GPR179: variants seen among roughly 807,000 people sequenced by gnomAD.
GPR179 encodes the protein G protein-coupled receptor 179, also known as probable G protein-coupled receptor 179.
In GPR179, 52 loss-of-function variants were observed where a neutral mutation model predicts 70.8. The ratio of observed to expected loss-of-function variants is 0.73; its 90% confidence interval spans 0.59 to 0.93. The LOEUF is 0.93. GPR179 is among the 40% of genes least tolerant of loss of function. The pLI is 0.00. For synonymous variants in GPR179, 1,123 were observed against 1,169.0 expected (o/e 0.96, Z 0.80); for missense variants, 2,734 against 2,966.8 (o/e 0.92, Z 1.82).
chr17:38,335,080 T>C lies in GPR179; in HGVS notation c.1598A>G (p.His533Arg), dbSNP rs1254737991. Residue 533 changes from histidine to arginine, a missense_variant, in exon 7 of 11, where the codon CAT (histidine) becomes CGT (arginine). By Grantham distance (29) the His-to-Arg change is conservative. Transcript: ENST00000616987. ...GCGGTCGTGGTGACAGAGGTAGAAA[T>C]GGCGGCCACTGGGAGTGTGGCCTCG... is the stretch of plus-strand genomic sequence containing the variant. ...VIRGHTPSGRHFYLCHHDRWD... is the reference protein window; with the variant it reads ...VIRGHTPSGRRFYLCHHDRWD... The C allele has an allele frequency of 6.2e-7, 1 of 1,613,460 alleles. No homozygotes were observed. Among genetic ancestry groups the C allele is most frequent in the African/African-American group, 1.3e-5 (1 of 74,920 alleles).
At position 38,334,085 on chromosome 17, in the gene GPR179, C is replaced by T; in HGVS notation, c.1785-47G>A. On this transcript the variant is annotated intron_variant, in intron 8 of 10. Transcript: ENST00000616987. The surrounding 1 kb of genome is among the most constrained non-coding windows in gnomAD (Gnocchi z 4.7). Reference sequence around the variant, plus strand: ...GGTCATTACTGCAGGCAGGAGTTGCCTCTTCTGCTTTGCCTTCTCACTGGC... The same window carrying T: ...GGTCATTACTGCAGGCAGGAGTTGCTTCTTCTGCTTTGCCTTCTCACTGGC... 1 of 1,344,070 alleles carries T rather than the reference C, an allele frequency of 7.4e-7. No individual in the cohort carries two copies. Among genetic ancestry groups the T allele is most frequent in the Non-Finnish European group, 1.1e-6 (1 of 934,886 alleles). 83.3% of individuals were successfully genotyped at this position (1,344,070 alleles called of 1,614,324 possible). A position where few individuals can be genotyped will look rare whatever the true frequency, so the allele number is the denominator to read the frequency against.
chr17:38,338,260 G>A (rs2037422910), intron 2 of GPR179, among the ~76,000 whole-genome samples: 1 of 152,234 alleles, frequency 6.6e-6, no homozygotes, highest in Non-Finnish European at 1.5e-5. Flanking sequence ...CTGGTGGGAT[G>A]CCAAGGCCAG....
chr17:38,330,592 A>G lies in GPR179; in HGVS notation c.2977T>C (p.Cys993Arg). 6.3e-7 allele frequency: 1 copy of G among 1,578,858 alleles called. No homozygotes were observed. ...PQSPNLLTYI[C>R]PWENAELPAK... ...GGCAGTTCTGCGTTCTCCCAGGGGC[A>G]GATGTAGGTGAGTAAGTTGGGGCTT... Residue 993 changes from cysteine (C) to arginine (R), a missense_variant, in exon 11 of 11, where the codon TGC becomes CGC. Coordinates refer to ENST00000616987, the MANE Select transcript of GPR179 (RefSeq NM_001004334.4).
Position 38,326,086 on chromosome 17 carries a change from CT to C in GPR179, c.*378del, listed in dbSNP as rs1407567845. 2 of 210,878 alleles carry C rather than the reference CT, an allele frequency of 9.5e-6. No homozygotes were observed. The highest frequency in any genetic ancestry group is 4.6e-5 in the African/African-American group (2 of 43,478). 13.1% of individuals were successfully genotyped at this position (210,878 alleles called of 1,614,324 possible). Reference sequence around the variant, plus strand: ...GTAGACTTCAGAGAATTGGGTCCCCCTGTGAGAGAAGGTAGGCTGGGCACAA... The same window carrying C: ...GTAGACTTCAGAGAATTGGGTCCCCCGTGAGAGAAGGTAGGCTGGGCACAA... On this transcript the variant is annotated 3_prime_UTR_variant, in exon 11 of 11. Transcript: ENST00000616987.
At chr17:38,331,627 A>G in intron 10 of GPR179, 96 bp from the exon 11 acceptor site, 3 of 1,501,986 alleles carry the variant, frequency 2.0e-6, no homozygotes, top group Non-Finnish European at 2.7e-6. Flanking sequence ...TTTTTCCCTT[A>G]GGGATCTCTT....
In GPR179 at chr17:38,328,887, A is replaced by G; in HGVS notation, c.4682T>C (p.Phe1561Ser). Residue 1561 changes from phenylalanine to serine, a missense_variant, in exon 11 of 11, where the codon TTC becomes TCC. Phe to Ser is a radical substitution (Grantham distance 155, BLOSUM62 -2). Coordinates refer to ENST00000616987, the MANE Select transcript of GPR179 (RefSeq NM_001004334.4). ...TGCTCTGCTTCCTCCATTGCATAGG[A>G]ATTGGCTACCAGCTTTGGATGAGGA... ...DNSSSKAGSQ[F>S]LCNGGSRATQ... 6.2e-7 allele frequency: 1 copy of G among 1,613,634 alleles called. No homozygotes were observed. The highest frequency in any genetic ancestry group is 8.5e-7 in the Non-Finnish European group (1 of 1,179,952).
In GPR179 at chr17:38,329,906, C is replaced by T; in HGVS notation, c.3663G>A (p.Gly1221=). 1.9e-6 allele frequency: 3 copies of T among 1,614,226 alleles called. No homozygotes were observed. The highest frequency in any genetic ancestry group is 1.7e-6 in the Non-Finnish European group (2 of 1,180,044). Residue 1221 remains glycine, a synonymous_variant, in exon 11 of 11, where the codon GGG becomes GGA. Transcript: ENST00000616987. ...NIKQSKETPV[G]WQELPKAGLQ... Reference sequence around the variant, plus strand: ...GGCCAGCTTTGGGCAGTTCCTGCCACCCGACAGGGGTTTCTTTTGATTGCT... The same window carrying T: ...GGCCAGCTTTGGGCAGTTCCTGCCATCCGACAGGGGTTTCTTTTGATTGCT...
chr17:38,342,985 A>T lies in GPR179; in HGVS notation c.794+11T>A. 2 of 1,584,208 alleles carry T rather than the reference A, an allele frequency of 1.3e-6. No homozygotes were observed. Among genetic ancestry groups the T allele is most frequent in the Non-Finnish European group, 1.7e-6 (2 of 1,164,318 alleles). On this transcript the variant is annotated intron_variant, in intron 1 of 10. Transcript: ENST00000616987. ...CCACACATGCATCAAATCCTGCACA[A>T]ACCCACTTACCTGACTTCTGGGCTG...
Position 38,333,409 on chromosome 17 carries a change from G to A in GPR179, c.1891-12C>T, listed in dbSNP as rs747816788. The A allele has an allele frequency of 1.9e-5, 30 of 1,610,840 alleles. No individual in the cohort carries two copies. The highest frequency in any genetic ancestry group is 3.4e-4 in the Middle Eastern group (2 of 5,924). Reference sequence around the variant, plus strand: ...CCCAGCTTCCAGAACTGGCAGGGGTGCATAAGAGTGGGAAAAAGACTCGCC... The same window carrying A: ...CCCAGCTTCCAGAACTGGCAGGGGTACATAAGAGTGGGAAAAAGACTCGCC... On this transcript the variant is annotated splice_polypyrimidine_tract_variant and intron_variant, in intron 9 of 10. Transcript: ENST00000616987.
intron 2 of GPR179, among the ~76,000 whole-genome samples, chr17:38,338,205 G>A (rs1241009416): frequency 2.6e-5 from 4 of 152,212 alleles, no homozygotes; most frequent in African/African-American, 4.8e-5. Flanking sequence ...TCTGGCTTTC[G>A]CACAGGACTG....
Position 38,333,984 on chromosome 17 carries a change from G to C in GPR179, c.1839C>G (p.Phe613Leu). 2 of 1,613,594 alleles carry C rather than the reference G, an allele frequency of 1.2e-6. No individual in the cohort carries two copies. Among genetic ancestry groups the C allele is most frequent in the South Asian group, 2.2e-5 (2 of 90,986 alleles). The change falls in exon 9 of 11, where the codon TTC becomes TTG. Residue 613 changes from phenylalanine (F) to leucine (L), a missense_variant. Coordinates refer to ENST00000616987, the MANE Select transcript of GPR179 (RefSeq NM_001004334.4). ...TGGTGGTGACTGTGCTGTGGGTGTGGAAGAAGAAGAGGAGGAGGGTCCAGT... is the reference window on the plus strand; with the variant it reads ...TGGTGGTGACTGTGCTGTGGGTGTGCAAGAAGAAGAGGAGGAGGGTCCAGT... ...HPDWTLLLFFFHTHSTVTTTL... is the reference protein window; with the variant it reads ...HPDWTLLLFFLHTHSTVTTTL...
chr17:38,338,958 A>C (rs2037427836), intron 2 of GPR179, among the ~76,000 whole-genome samples: 1 of 152,176 alleles, frequency 6.6e-6, no homozygotes, highest in South Asian at 2.1e-4. Flanking sequence ...CCCATACTCC[A>C]ACCAGCAATT....
intron 1 of GPR179, among the ~76,000 whole-genome samples, chr17:38,340,788 CA>C (rs2037442978): frequency 6.6e-6 from 1 of 152,132 alleles, no homozygotes; most frequent in African/African-American, 2.4e-5. Flanking sequence ...CATGGTGGCT[CA>C]TGCCTGTAAT....
At chr17:38,335,392 A>G in intron 6 of GPR179, 121 bp from the exon 7 acceptor site, 1 of 853,722 alleles carries the variant, frequency 1.2e-6, no homozygotes, top group Non-Finnish European at 1.8e-6. Flanking sequence ...TTGTCCTTCC[A>G]TCCTTTTTGT....
At position 38,343,118 on chromosome 17, in the gene GPR179, C is replaced by T. The variant is rs368375083; in HGVS notation, c.672G>A (p.Thr224=). 1.2e-4 allele frequency: 187 copies of T among 1,614,066 alleles called. No individual in the cohort carries two copies. The East Asian group carries it at 1.9e-3, about 16-fold the overall frequency. Reference sequence around the variant, plus strand: ...AAGGAGGAGACAGCCTCACCTGCTGCGTGTCCCCCACATATCCATCTGCCT... The same window carrying T: ...AAGGAGGAGACAGCCTCACCTGCTGTGTGTCCCCCACATATCCATCTGCCT... The part of the protein sequence containing the change: ...WPQADGYVGD[T]QQVRLSPPFL... Residue 224 remains threonine (T), a synonymous_variant, in exon 1 of 11, where the codon ACG becomes ACA. Transcript: ENST00000616987. The surrounding 1 kb of genome is among the most constrained non-coding windows in gnomAD (Gnocchi z 4.2).
chr17:38,343,289 G>C lies in GPR179; in HGVS notation c.501C>G (p.Thr167=). The change falls in exon 1 of 11, where the codon ACC becomes ACG. Residue 167 remains threonine, a synonymous_variant. Coordinates refer to ENST00000616987, the MANE Select transcript of GPR179 (RefSeq NM_001004334.4). This position sits in a 1 kb window ranked among gnomAD's most constrained non-coding sequence, Gnocchi z 4.2. ...GCAGGATGGTTTCCTCCCCAGTCCG[G>C]GTGGCCTGCAGGGCCAGCTGTAGGT... is the stretch of plus-strand genomic sequence containing the variant. ...ASHLQLALQA[T]RTGEETILQD... The C allele has an allele frequency of 1.2e-6, 2 of 1,614,132 alleles. No individual in the cohort carries two copies. Among genetic ancestry groups the C allele is most frequent in the Non-Finnish European group, 1.7e-6 (2 of 1,180,014 alleles).
In GPR179 at chr17:38,343,628, C is replaced by G; in HGVS notation, c.162G>C (p.Glu54Asp). The change falls in exon 1 of 11, where the codon GAG becomes GAC. Residue 54 changes from glutamate to aspartate, a missense_variant. Transcript: ENST00000616987. The surrounding 1 kb of genome is among the most constrained non-coding windows in gnomAD (Gnocchi z 4.2). ...PGSVPMQVPLEGAEAALAYLY... is the reference protein window; with the variant it reads ...PGSVPMQVPLDGAEAALAYLY... ...GATAAGCGAGGGCGGCCTCGGCCCC[C>G]TCTAGGGGCACCTGCATGGGTACAG... 6.2e-7 allele frequency: 1 copy of G among 1,613,804 alleles called. No homozygotes were observed.
intron 2 of GPR179, 102 bp downstream of exon 2, chr17:38,339,315 G>C: frequency 1.4e-6 from 1 of 709,326 alleles, no homozygotes; most frequent in East Asian, 2.7e-5. Flanking sequence ...GAGATGCTGG[G>C]GTAGCTTTGT....
In GPR179 at chr17:38,331,250, G is replaced by A; in HGVS notation, c.2319C>T (p.Ser773=). 7 of 1,588,574 alleles carry A rather than the reference G, an allele frequency of 4.4e-6. No individual in the cohort carries two copies. Among genetic ancestry groups the A allele is most frequent in the Non-Finnish European group, 5.1e-6 (6 of 1,168,334 alleles). ...CCTGCTCCCTGCGCTGGTCATAGGTGCTGCGGGACTTGTGCAGAGCTGGTG... is the reference window on the plus strand; with the variant it reads ...CCTGCTCCCTGCGCTGGTCATAGGTACTGCGGGACTTGTGCAGAGCTGGTG... ...EGTPALHKSR[S]TYDQRREQDP... Residue 773 remains serine (S), a synonymous_variant, in exon 11 of 11, where the codon AGC becomes AGT. Coordinates refer to ENST00000616987, the MANE Select transcript of GPR179 (RefSeq NM_001004334.4).
Sources: gnomAD v4.1 joint callset for allele counts (sites outside exome capture counted in the v4.1 genomes callset) on GRCh38, gnomAD v4.1.1 for gene constraint, Gnocchi (gnomAD v3.1) non-coding constraint, MANE v1.5 for transcripts, NCBI Gene and HGNC (gene_info 2026-07-23, HGNC 2026-07-21) for gene names.